The following KCNAB1 variants were observed in gnomAD, a reference collection of about 807,000 sequenced individuals.
KCNAB1 encodes the protein potassium voltage-gated channel subfamily A regulatory beta subunit 1.
Under a neutral mutation model 64.6 loss-of-function variants are expected in KCNAB1, and 35 were observed. The observed-to-expected ratio is 0.54, with a 90% CI of 0.41 to 0.72. The LOEUF is 0.72. Among genes scored for constraint, KCNAB1 ranks in the 30% least tolerant of loss-of-function variants. The pLI is 0.00. For synonymous variants in KCNAB1, 177 were observed against 183.8 expected (o/e 0.96, Z 0.30); for missense variants, 401 against 512.9 (o/e 0.78, Z 2.11).
At chr3:156,513,871 G>A (rs1241992585) in intron 8 of KCNAB1, among the ~76,000 whole-genome samples, 1 of 152,168 alleles carries the variant, frequency 6.6e-6, no homozygotes, top group Non-Finnish European at 1.5e-5. Flanking sequence ...ACACATTGTT[G>A]TTGAGTCACC....
rs1719189546 is a variant in KCNAB1, at chr3:156,538,143, T to TTTG, written c.*1398_*1399insGTT. ...TATCTGTAAAAAGAGAGAAAACATGTTTTGTTTTTTTTTGAAGGGGGTGGT... is the reference window on the plus strand; with the variant it reads ...TATCTGTAAAAAGAGAGAAAACATGTTTGTTTGTTTTTTTTTGAAGGGGGTGGT... On this transcript the variant is annotated 3_prime_UTR_variant, in exon 14 of 14. Transcript: ENST00000490337. 1 of 132,992 alleles carries TTTG rather than the reference T, an allele frequency of 7.5e-6. No individual in the cohort carries two copies. Among genetic ancestry groups the TTTG allele is most frequent in the Non-Finnish European group, 1.7e-5 (1 of 59,562 alleles). 8.2% of individuals were successfully genotyped at this position (132,992 alleles called of 1,614,324 possible).
intron 2 of KCNAB1, among the ~76,000 whole-genome samples, chr3:156,427,596 G>T (rs554143364): frequency 6.6e-6 from 1 of 152,226 alleles, no homozygotes; most frequent in Non-Finnish European, 1.5e-5. Flanking sequence ...CTGAATAATA[G>T]CAAGGATGCA....
intron 1 of KCNAB1, among the ~76,000 whole-genome samples, chr3:156,188,029 A>G (rs1247826383): frequency 1.3e-5 from 2 of 150,372 alleles, no homozygotes; most frequent in Non-Finnish European, 3.0e-5. Context: ...GGGCAGAGCA[A>G]TACACCATTC....
At chr3:156,330,942 C>T (rs1275665914) in intron 1 of KCNAB1, among the ~76,000 whole-genome samples, 2 of 152,104 alleles carry the variant, frequency 1.3e-5, no homozygotes, top group Admixed American at 1.3e-4. Context: ...CCCCTTATAT[C>T]TATTAAAACT....
At position 156,516,367 on chromosome 3, in the gene KCNAB1, A is replaced by G; in HGVS notation, c.960+3A>G. The G allele has an allele frequency of 6.3e-7, 1 of 1,599,836 alleles. No individual in the cohort carries two copies. Among genetic ancestry groups the G allele is most frequent in the Non-Finnish European group, 8.6e-7 (1 of 1,167,022 alleles). On this transcript the variant is annotated splice_donor_region_variant and intron_variant, in intron 11 of 13. Coordinates refer to ENST00000490337, the MANE Select transcript of KCNAB1 (RefSeq NM_172160.3). ...AAAGTTCCAGGGCTTCACTGAAGGTATTTTTCTCAATGTCTAGAAAAAAGC... is the reference window on the plus strand; with the variant it reads ...AAAGTTCCAGGGCTTCACTGAAGGTGTTTTTCTCAATGTCTAGAAAAAAGC...
At chr3:156,224,502 T>C (rs1716027226) in intron 1 of KCNAB1, among the ~76,000 whole-genome samples, 1 of 152,198 alleles carries the variant, frequency 6.6e-6, no homozygotes, top group Non-Finnish European at 1.5e-5. Flanking sequence ...TCTAAGTTCT[T>C]ACCTCACAGA....
intron 1 of KCNAB1, chr3:156,291,348 A>G: frequency 1.0e-6 from 1 of 993,440 alleles, no homozygotes; most frequent in Non-Finnish European, 1.2e-6. Flanking sequence ...GGAGACCACC[A>G]GTCCGAGGGG....
chr3:156,306,000 G>C (rs1212512035), intron 1 of KCNAB1, among the ~76,000 whole-genome samples: 1 of 152,138 alleles, frequency 6.6e-6, no homozygotes, highest in Admixed American at 6.5e-5. Context: ...TTACAAAGAG[G>C]GGGCAATGGA....
intron 1 of KCNAB1, among the ~76,000 whole-genome samples, chr3:156,247,195 T>G (rs1341607112): frequency 5.3e-5 from 8 of 152,164 alleles, no homozygotes; most frequent in Non-Finnish European, 1.2e-4. Context: ...TCGTGGTTGC[T>G]TAGTCTCCAG....
In KCNAB1 at chr3:156,356,159, A is replaced by T. The variant is rs934938860; in HGVS notation, c.276-65457A>T. 8.0e-5 allele frequency among the ~76,000 whole-genome samples: 12 copies of T among 149,512 alleles called. No homozygotes were observed. The East Asian group carries it at 2.1e-3, about 27-fold the overall frequency. On this transcript the variant is annotated intron_variant, in intron 1 of 13. Transcript: ENST00000490337. ...AAGAAAGAAAAGAAAAGAAAGAGAGAGAAAGCAAGCAAGAAAAAAAGAAAA... is the reference window on the plus strand; with the variant it reads ...AAGAAAGAAAAGAAAAGAAAGAGAGTGAAAGCAAGCAAGAAAAAAAGAAAA...
intron 2 of KCNAB1, among the ~76,000 whole-genome samples, chr3:156,433,648 G>A (rs73873364): frequency 0.049 from 7,389 of 152,268 alleles, 299 homozygotes; most frequent in African/African-American, 0.11. Flanking sequence ...ACCTCTTTTG[G>A]GGGAGTAGGG....
intron 1 of KCNAB1, among the ~76,000 whole-genome samples, chr3:156,395,476 C>T (rs1039572696): frequency 1.6e-5 from 2 of 127,504 alleles, no homozygotes; most frequent in Middle Eastern, 4.5e-3. Context: ...ACCAGGGAGG[C>T]GGAGCTTGCA....
At chr3:156,377,794 G>A (rs548758754) in intron 1 of KCNAB1, among the ~76,000 whole-genome samples, 68 of 152,048 alleles carry the variant, frequency 4.5e-4, no homozygotes, top group African/African-American at 1.6e-3. Flanking sequence ...GAAAAGAAAG[G>A]CCCAGTAAAG....
intron 1 of KCNAB1, among the ~76,000 whole-genome samples, chr3:156,249,500 A>C (rs979540056): frequency 6.6e-6 from 1 of 151,976 alleles, no homozygotes; most frequent in Non-Finnish European, 1.5e-5. Context: ...TGAACCCAGA[A>C]GGCAGAGGTT....
chr3:156,281,630 C>G (rs1435695339), intron 1 of KCNAB1, among the ~76,000 whole-genome samples: 1 of 152,144 alleles, frequency 6.6e-6, no homozygotes, highest in Admixed American at 6.5e-5. Flanking sequence ...TTGATTATTG[C>G]CACAATTTCA....
intron 13 of KCNAB1, among the ~76,000 whole-genome samples, chr3:156,532,500 C>T (rs989261812): frequency 1.3e-5 from 2 of 152,206 alleles, no homozygotes; most frequent in Non-Finnish European, 2.9e-5. Flanking sequence ...TCCCTATCTA[C>T]CTGTCCCTGC....
At chr3:156,466,856 T>C (rs1713430205) in intron 7 of KCNAB1, among the ~76,000 whole-genome samples, 1 of 152,088 alleles carries the variant, frequency 6.6e-6, no homozygotes, top group Admixed American at 6.5e-5. Flanking sequence ...ATTTCTTGCT[T>C]GTCTATATAT....
intron 1 of KCNAB1, among the ~76,000 whole-genome samples, chr3:156,122,944 C>G (rs1391141738): frequency 6.6e-6 from 1 of 152,142 alleles, no homozygotes; most frequent in Non-Finnish European, 1.5e-5. Flanking sequence ...CCTTGAGATT[C>G]CTGGACAGTG....
chr3:156,512,955 G>C (rs1717309734), intron 8 of KCNAB1, among the ~76,000 whole-genome samples: 1 of 152,260 alleles, frequency 6.6e-6, no homozygotes. Flanking sequence ...GCTCACGCCT[G>C]TAATCCCAGT....
Sources: allele counts gnomAD v4.1 joint callset (sites outside exome capture counted in the v4.1 genomes callset), GRCh38; gene constraint gnomAD v4.1.1; transcripts MANE v1.5; gene names NCBI Gene and HGNC (gene_info 2026-07-23, HGNC 2026-07-21).